Variants in DICER1 observed in about 807,000 individuals in gnomAD.
DICER1 encodes the protein dicer 1, ribonuclease III.
In DICER1, 43 loss-of-function variants were observed where a neutral mutation model predicts 194.1. The ratio of observed to expected loss-of-function variants is 0.22; its 90% confidence interval spans 0.17 to 0.29. The LOEUF (loss-of-function observed/expected upper bound fraction) is 0.29, where lower values mean the gene tolerates loss of function less well. Ranked by LOEUF, DICER1 falls within the 10% of genes least tolerant of loss-of-function variation. The pLI is 1.00. For missense variants in DICER1, 1,608 were observed against 2,317.0 expected, an observed-to-expected ratio of 0.69 and a Z score of 6.28; for synonymous variants, 832 against 820.5, an observed-to-expected ratio of 1.01 and a Z score of -0.24.
rs777823741 is a variant in DICER1 at position 95,108,316 on chromosome 14, ATACC to A, written c.2436+4_2436+7del. Reference sequence around the variant, plus strand: ...TTTTGACATAAGTACTCATTATGAAATACCTACCTGAGGTATGGGTTTGGCCGTC... The same window carrying A: ...TTTTGACATAAGTACTCATTATGAAATACCTGAGGTATGGGTTTGGCCGTC... On this transcript the variant is annotated splice_donor_5th_base_variant and intron_variant, in intron 15 of 26. Coordinates refer to ENST00000343455, the MANE Select transcript of DICER1 (RefSeq NM_177438.3). 4.5e-5 allele frequency: 73 copies of A among 1,613,522 alleles called. No homozygotes were observed. Among genetic ancestry groups the A allele is most frequent in the Non-Finnish European group, 6.1e-5 (72 of 1,179,678 alleles).
chr14:95,105,246 T>C lies in DICER1; in HGVS notation c.3094A>G (p.Ile1032Val). Residue 1032 changes from isoleucine to valine, a missense_variant and splice_region_variant, in exon 20 of 27, where the codon ATA (isoleucine) becomes GTA (valine). By Grantham distance (29) the Ile-to-Val change is conservative. Transcript: ENST00000343455. The surrounding 1 kb of genome is among the most constrained non-coding windows in gnomAD (Gnocchi z 4.9). ...AKWESLQNKQ[I>V]LVPELCAIHP... ...ATAGCACAGAGTTCTGGAACCAGTA[T>C]CTTCAAGTAAGGGGAAAAATGGACA... 2.5e-6 allele frequency: 4 copies of C among 1,613,060 alleles called. No homozygotes were observed. The highest frequency in any genetic ancestry group is 3.4e-6 in the Non-Finnish European group (4 of 1,179,740).
At chr14:95,136,140 T>G (rs1950063187) in intron 1 of DICER1, among the ~76,000 whole-genome samples, 1 of 147,740 alleles carries the variant, frequency 6.8e-6, no homozygotes, top group Admixed American at 6.7e-5. Context: ...ATAAAGCAAG[T>G]GGGGCAAAAT....
At position 95,133,419 on chromosome 14, in the gene DICER1, G is replaced by T. The variant is rs779753946; in HGVS notation, c.40C>A (p.Leu14Met). The change falls in exon 2 of 27, where the codon CTG becomes ATG. Residue 14 changes from leucine (L) to methionine (M), a missense_variant. Transcript: ENST00000343455. The part of the protein sequence containing the change: ...PALQPLSMAG[L>M]QLMTPASSPM... Reference sequence around the variant, plus strand: ...GAGGAAGCAGGGGTCATGAGCTGCAGGCCTGCCATGCTGAGGGGTTGCAAA... The same window carrying T: ...GAGGAAGCAGGGGTCATGAGCTGCATGCCTGCCATGCTGAGGGGTTGCAAA... The T allele has an allele frequency of 6.2e-7, 1 of 1,613,992 alleles. No homozygotes were observed. Among genetic ancestry groups the T allele is most frequent in the Admixed American group, 1.7e-5 (1 of 60,008 alleles).
In DICER1 at chr14:95,086,902, CAT is replaced by C. The variant is rs1487508991; in HGVS notation, c.*3594_*3595del. 3.0e-5 allele frequency: 7 copies of C among 232,624 alleles called. No homozygotes were observed. Among genetic ancestry groups the C allele is most frequent in the Non-Finnish European group, 5.1e-5 (6 of 117,804 alleles). The allele number at this position is 232,624 out of a possible 1,614,324, so 14.4% of individuals were successfully genotyped here. ...ACAACCATATAGGTAATAAACATGA[CAT>C]GAGTTTCTCTTCTGCAGATAATGCA... is the stretch of plus-strand genomic sequence containing the variant. On this transcript the variant is annotated 3_prime_UTR_variant, in exon 27 of 27. Coordinates refer to ENST00000343455, the MANE Select transcript of DICER1 (RefSeq NM_177438.3).
At chr14:95,138,032 G>A (rs1004889709) in intron 1 of DICER1, 4 of 154,688 alleles carry the variant, frequency 2.6e-5, no homozygotes. Context: ...TGGAAAATAA[G>A]CCCTAGACCT....
chr14:95,107,068 T>C (rs1891487232), intron 17 of DICER1, among the ~76,000 whole-genome samples: 1 of 151,970 alleles, frequency 6.6e-6, no homozygotes, highest in Admixed American at 6.6e-5. Context: ...CAGGCTGGAG[T>C]GTAGTGGTGT....
chr14:95,094,215 A>G, intron 23 of DICER1, 59 bp from the exon 24 acceptor site: 1 of 1,585,726 alleles, frequency 6.3e-7, no homozygotes, highest in Non-Finnish European at 8.7e-7. Flanking sequence ...CTATCCCCAC[A>G]TAGCAACTGA....
chr14:95,091,931 A>C (rs1321654828), intron 24 of DICER1, among the ~76,000 whole-genome samples: 3 of 152,270 alleles, frequency 2.0e-5, no homozygotes, highest in Admixed American at 6.5e-5. Flanking sequence ...CATAGCATGT[A>C]TGCAAATTAA....
intron 6 of DICER1, among the ~76,000 whole-genome samples, chr14:95,127,407 C>T (rs576594388): frequency 1.2e-4 from 18 of 152,250 alleles, no homozygotes; most frequent in African/African-American, 4.3e-4. Context: ...AGGCTTGGGA[C>T]CTGAACTGTT....
At chr14:95,102,974 T>C (rs1234723432) in intron 21 of DICER1, among the ~76,000 whole-genome samples, 1 of 152,166 alleles carries the variant, frequency 6.6e-6, no homozygotes, top group African/African-American at 2.4e-5. Flanking sequence ...AATAAATGTT[T>C]AACTCAACAA....
At chr14:95,112,444 G>A (rs1555371900) in intron 12 of DICER1, among the ~76,000 whole-genome samples, 197 bp from the exon 13 acceptor site, 1 of 152,000 alleles carries the variant, frequency 6.6e-6, no homozygotes, top group Non-Finnish European at 1.5e-5. Flanking sequence ...TAAAAGTCCT[G>A]CCTAGTAAAA....
chr14:95,148,402 G>A (rs1895284277), intron 1 of DICER1, among the ~76,000 whole-genome samples: 2 of 152,178 alleles, frequency 1.3e-5, no homozygotes, highest in Non-Finnish European at 2.9e-5. Flanking sequence ...CATCACTTTG[G>A]AGATTCTAAG....
At chr14:95,094,425 C>A (rs1028672334) in intron 23 of DICER1, among the ~76,000 whole-genome samples, 1 of 152,134 alleles carries the variant, frequency 6.6e-6, no homozygotes, top group African/African-American at 2.4e-5. Flanking sequence ...AAAAACAAAA[C>A]CTCACAGGTG....
rs1448083641 is a variant in DICER1 at position 95,124,085 on chromosome 14, A to C, written c.1376+111T>G. On this transcript the variant is annotated intron_variant, in intron 8 of 26. Coordinates refer to ENST00000343455, the MANE Select transcript of DICER1 (RefSeq NM_177438.3). This position sits in a 1 kb window ranked among gnomAD's most constrained non-coding sequence, Gnocchi z 4.5. ...TATCAGCAATGATGGCGCCAAGTCA[A>C]GGACACTTACATAACCCTCATGCTA... The C allele has an allele frequency of 3.8e-6, 3 of 787,328 alleles. No individual in the cohort carries two copies. Among genetic ancestry groups the C allele is most frequent in the Non-Finnish European group, 6.4e-6 (3 of 466,292 alleles). The allele number at this position is 787,328 out of a possible 1,614,324, so 48.8% of individuals were successfully genotyped here. A position where few individuals can be genotyped will look rare whatever the true frequency, so the allele number is the denominator to read the frequency against.
intron 14 of DICER1, 151 bp from the exon 15 acceptor site, chr14:95,108,654 TA>T: frequency 1.3e-6 from 1 of 794,514 alleles, no homozygotes; most frequent in Non-Finnish European, 2.1e-6. Flanking sequence ...CTTAATTACT[TA>T]ACCCTGCTGG....
At chr14:95,149,734 T>A (rs1377473397) in intron 1 of DICER1, among the ~76,000 whole-genome samples, 2 of 152,240 alleles carry the variant, frequency 1.3e-5, no homozygotes, top group Non-Finnish European at 2.9e-5. Context: ...TATCCATGAA[T>A]AATTTTTTAT....
intron 1 of DICER1, among the ~76,000 whole-genome samples, chr14:95,134,656 T>C (rs565868896): frequency 6.6e-6 from 1 of 152,306 alleles, no homozygotes; most frequent in African/African-American, 2.4e-5. Context: ...TGAATTCTGA[T>C]TTGAGAAATT....
chr14:95,096,814 C>T (rs1890399599), intron 22 of DICER1, 101 bp from the exon 23 acceptor site: 1 of 1,374,750 alleles, frequency 7.3e-7, no homozygotes, highest in South Asian at 1.5e-5. Context: ...TTTCAAATGA[C>T]AACCACAAAT....
intron 11 of DICER1, 131 bp downstream of exon 11, chr14:95,115,536 C>A: frequency 9.8e-7 from 1 of 1,022,962 alleles, no homozygotes; most frequent in Non-Finnish European, 1.5e-6. Flanking sequence ...AGTAACTTTT[C>A]TTTATCGAAA....
Sources: gnomAD v4.1 joint callset for allele counts (sites outside exome capture counted in the v4.1 genomes callset) on GRCh38, gnomAD v4.1.1 for gene constraint, Gnocchi (gnomAD v3.1) non-coding constraint, MANE v1.5 for transcripts, NCBI Gene and HGNC (gene_info 2026-07-23, HGNC 2026-07-21) for gene names.